Variants in DRC9 observed in about 807,000 individuals in gnomAD.
DRC9 encodes dynein regulatory complex protein 9.
chr3:197,951,145 CT>C, the DRC9 span: 6 of 1,613,900 alleles, frequency 3.7e-6, no homozygotes, highest in Admixed American at 1.0e-4. Flanking sequence ...TGTTGTGTAT[CT>C]TTTGTGTCTT....
chr3:197,928,597 A>G, the DRC9 span, among the ~76,000 whole-genome samples: 1 of 151,970 alleles, frequency 6.6e-6, no homozygotes, highest in Non-Finnish European at 1.5e-5. Flanking sequence ...TGATCCATCC[A>G]CATCGTCTTC....
chr3:197,926,257 C>T, the DRC9 span: 16 of 579,926 alleles, frequency 2.8e-5, no homozygotes, highest in Non-Finnish European at 4.6e-5. Flanking sequence ...AAGTGTGCAT[C>T]TCTATCGAGT....
the DRC9 span, chr3:197,889,652 T>C: frequency 8.1e-6 from 13 of 1,614,220 alleles, no homozygotes; most frequent in Admixed American, 1.3e-4. Flanking sequence ...CAACTTTGTC[T>C]TTAGGCATCT....
At chr3:197,934,196 T>C in the DRC9 span, among the ~76,000 whole-genome samples, 1 of 146,548 alleles carries the variant, frequency 6.8e-6, no homozygotes, top group Admixed American at 6.7e-5. Context: ...TTTTTTTTTT[T>C]TTTTGAGACA....
At chr3:197,928,003 T>A in the DRC9 span, among the ~76,000 whole-genome samples, 1 of 152,140 alleles carries the variant, frequency 6.6e-6, no homozygotes, top group Non-Finnish European at 1.5e-5. Context: ...AAATACCTAA[T>A]GTTGATGACA....
At chr3:197,904,110 A>ATTT in the DRC9 span, among the ~76,000 whole-genome samples, 40 of 80,814 alleles carry the variant, frequency 4.9e-4, no homozygotes, top group African/African-American at 2.7e-3. Flanking sequence ...ATATATATAT[A>ATTT]TTTTTTTTTT....
the DRC9 span, chr3:197,954,009 A>G: frequency 6.2e-7 from 1 of 1,612,940 alleles, no homozygotes; most frequent in Admixed American, 1.7e-5. Context: ...TCAGCAACAC[A>G]GTCACTCCTG....
the DRC9 span, among the ~76,000 whole-genome samples, chr3:197,902,821 T>C: frequency 6.6e-6 from 1 of 152,052 alleles, no homozygotes; most frequent in Non-Finnish European, 1.5e-5. Context: ...TTCACAGCAA[T>C]AGAAAAACAA....
At chr3:197,954,203 G>A in the DRC9 span, 4 of 1,592,152 alleles carry the variant, frequency 2.5e-6, no homozygotes, top group African/African-American at 5.4e-5. Flanking sequence ...GGTTCAAGGT[G>A]TTGTGCTTTG....
chr3:197,929,549 A>T, the DRC9 span, among the ~76,000 whole-genome samples: 1 of 152,068 alleles, frequency 6.6e-6, no homozygotes, highest in African/African-American at 2.4e-5. This position sits in a 1 kb window ranked among gnomAD's most constrained non-coding sequence, Gnocchi z 4.6. Flanking sequence ...AGGTGGAAGG[A>T]TCACTTGAGG....
the DRC9 span, chr3:197,960,158 C>A: frequency 6.4e-5 from 89 of 1,399,980 alleles, no homozygotes; most frequent in Admixed American, 3.0e-4. Flanking sequence ...GCCGGCTGGG[C>A]CCTCCGTCTA....
chr3:197,893,306 C>T, the DRC9 span, among the ~76,000 whole-genome samples: 1 of 129,400 alleles, frequency 7.7e-6, no homozygotes. Context: ...GCGGTAAGCC[C>T]AGATCGCGCC....
chr3:197,935,676 T>G, the DRC9 span, among the ~76,000 whole-genome samples: 20 of 151,666 alleles, frequency 1.3e-4, no homozygotes, highest in African/African-American at 4.8e-4. Context: ...GGAGATGAGG[T>G]CTCGCTATGT....
chr3:197,911,127 TA>T, the DRC9 span, among the ~76,000 whole-genome samples: 1 of 151,598 alleles, frequency 6.6e-6, no homozygotes, highest in Non-Finnish European at 1.5e-5. Flanking sequence ...CAAGAAGAAA[TA>T]AATTGAGTAA....
chr3:197,924,808 G>A, the DRC9 span, among the ~76,000 whole-genome samples: 1 of 151,964 alleles, frequency 6.6e-6, no homozygotes, highest in African/African-American at 2.4e-5. Flanking sequence ...GTGAGCCACC[G>A]CGCCCGGCCA....
chr3:197,910,056 A>G, the DRC9 span, among the ~76,000 whole-genome samples: 2 of 152,230 alleles, frequency 1.3e-5, no homozygotes, highest in African/African-American at 4.8e-5. Flanking sequence ...TATGTATATG[A>G]AAAGAAATAC....
the DRC9 span, among the ~76,000 whole-genome samples, chr3:197,898,848 C>G: frequency 6.6e-6 from 1 of 152,126 alleles, no homozygotes; most frequent in East Asian, 1.9e-4. Context: ...GACACAGAAC[C>G]AAACCATATC....
chr3:197,938,131 C>A, the DRC9 span, among the ~76,000 whole-genome samples: 1 of 151,928 alleles, frequency 6.6e-6, no homozygotes, highest in Non-Finnish European at 1.5e-5. Flanking sequence ...GCCTGGCCAA[C>A]ATGGTGAAAC....
chr3:197,904,065 TACATAC>T, the DRC9 span, among the ~76,000 whole-genome samples: 1 of 43,698 alleles, frequency 2.3e-5, no homozygotes, highest in East Asian at 5.3e-4. Context: ...TATATATATA[TACATAC>T]ATATATATAT....
Sources: allele counts gnomAD v4.1 joint callset (sites outside exome capture counted in the v4.1 genomes callset), GRCh38; gene constraint gnomAD v4.1.1; non-coding constraint Gnocchi (gnomAD v3.1); transcripts MANE v1.5; gene names NCBI Gene and HGNC (gene_info 2026-07-23, HGNC 2026-07-21).